Variants in RASAL2 observed in about 807,000 individuals in gnomAD.
The protein encoded by RASAL2 is RAS protein activator like 2, also known as ras GTPase-activating protein nGAP.
Under a neutral mutation model 128.9 loss-of-function variants are expected in RASAL2, and 58 were observed. The observed-to-expected ratio is 0.45, with a 90% confidence interval of 0.36 to 0.56. The LOEUF is 0.56. Among genes scored for constraint, RASAL2 ranks in the 20% least tolerant of loss-of-function variants. The pLI, the probability that RASAL2 is intolerant of heterozygous loss-of-function variation, is 0.00. For missense variants in RASAL2, 1,360 were observed against 1,601.6 expected (o/e 0.85, Z 2.57); for synonymous variants, 561 against 580.8 (o/e 0.97, Z 0.49).
rs1647422996 is a variant in RASAL2 at position 178,464,360 on chromosome 1, A to G, written c.3335A>G (p.Glu1112Gly). Reference sequence around the variant, plus strand: ...GTTCTGAACAATGGGCAGTATGAAGAGGATGTGGAAGAAACTGAGCAAAAT... The same window carrying G: ...GTTCTGAACAATGGGCAGTATGAAGGGGATGTGGAAGAAACTGAGCAAAAT... ...AWVLNNGQYEEDVEETEQNLD... is the reference protein window; with the variant it reads ...AWVLNNGQYEGDVEETEQNLD... Residue 1112 changes from glutamate to glycine, a missense_variant, in exon 15 of 18, where the codon GAG (glutamate) becomes GGG (glycine). Glu to Gly is a moderately conservative substitution (Grantham distance 98). Transcript: ENST00000367649. 6.2e-7 allele frequency: 1 copy of G among 1,613,760 alleles called. No homozygotes were observed. The highest frequency in any genetic ancestry group is 1.3e-5 in the African/African-American group (1 of 74,930).
intron 1 of RASAL2, among the ~76,000 whole-genome samples, chr1:178,194,965 C>G (rs1440573121): frequency 6.6e-6 from 1 of 152,134 alleles, no homozygotes; most frequent in Non-Finnish European, 1.5e-5. Context: ...TATCTTGAAA[C>G]TGTAGTTTGA....
At chr1:178,244,301 G>A (rs961552867) in intron 1 of RASAL2, among the ~76,000 whole-genome samples, 3 of 151,986 alleles carry the variant, frequency 2.0e-5, no homozygotes, top group African/African-American at 7.3e-5. Flanking sequence ...GGACTGCAGT[G>A]GTGCGATCTT....
At chr1:178,139,731 A>G (rs1252133330) in intron 1 of RASAL2, among the ~76,000 whole-genome samples, 2 of 151,788 alleles carry the variant, frequency 1.3e-5, no homozygotes, top group Non-Finnish European at 2.9e-5. Flanking sequence ...TTTTTTTTTA[A>G]CGTGGATTTT....
chr1:178,210,992 C>T (rs2862318), intron 1 of RASAL2, among the ~76,000 whole-genome samples: 39,800 of 151,916 alleles, frequency 0.26, 5,914 homozygotes, highest in African/African-American at 0.41. Flanking sequence ...TTTAGACTCC[C>T]GGTCTAACAT....
At position 178,335,761 on chromosome 1, in the gene RASAL2, C is replaced by T. The variant is rs147332256; in HGVS notation, c.457+35643C>T. Among the ~76,000 whole-genome samples the T allele has an allele frequency of 4.6e-5, 7 of 152,284 alleles. No individual in the cohort carries two copies. In the East Asian group the frequency reaches 1.4e-3, roughly 29 times the overall value. On this transcript the variant is annotated intron_variant, in intron 3 of 17. Coordinates refer to ENST00000367649, the MANE Select transcript of RASAL2 (RefSeq NM_170692.4). ...GGAATGTCCTTTTGAAAATTCAGTA[C>T]ATCGTTCCAATAAATATATACATTG...
chr1:178,315,239 G>A (rs918402838), intron 3 of RASAL2, among the ~76,000 whole-genome samples: 4 of 149,194 alleles, frequency 2.7e-5, no homozygotes, highest in Non-Finnish European at 2.9e-5. Context: ...GAATAATGCC[G>A]CAATAACCAT....
chr1:178,384,675 A>AC (rs1233172694), intron 3 of RASAL2, among the ~76,000 whole-genome samples: 158 of 149,746 alleles, frequency 1.1e-3, no homozygotes, highest in Middle Eastern at 7.0e-3. Flanking sequence ...AAAAAAAAAA[A>AC]ACACACACAC....
intron 1 of RASAL2, among the ~76,000 whole-genome samples, chr1:178,229,220 T>G (rs1352783087): frequency 6.6e-6 from 1 of 152,184 alleles, no homozygotes; most frequent in Non-Finnish European, 1.5e-5. Flanking sequence ...TACATAACCA[T>G]AGTAAAATTA....
At chr1:178,323,089 T>C (rs189832630) in intron 3 of RASAL2, among the ~76,000 whole-genome samples, 25 of 152,212 alleles carry the variant, frequency 1.6e-4, no homozygotes, top group African/African-American at 5.3e-4. Flanking sequence ...TTTTTCTTCA[T>C]TCACTAATCA....
intron 2 of RASAL2, among the ~76,000 whole-genome samples, chr1:178,298,976 T>TA (rs1361390374): frequency 1.3e-5 from 2 of 152,070 alleles, no homozygotes; most frequent in African/African-American, 4.8e-5. Context: ...TCTACATTGA[T>TA]AACCTGCTTT....
chr1:178,113,297 G>A lies in RASAL2; in HGVS notation c.202+18603G>A, dbSNP rs79946482. On this transcript the variant is annotated intron_variant, in intron 1 of 17. Transcript: ENST00000367649. ...CAACCCTGACTTTTTTTTTTTCAAA[G>A]TTACTTTGACTACTCTAGATCATTT... is the stretch of plus-strand genomic sequence containing the variant. 5.6e-3 allele frequency among the ~76,000 whole-genome samples: 832 copies of A among 149,734 alleles called. 10 individuals carry two copies. Among genetic ancestry groups the A allele is most frequent in the African/African-American group, 0.019 (781 of 40,750 alleles).
chr1:178,128,820 G>T (rs761136991), intron 1 of RASAL2, among the ~76,000 whole-genome samples: 1 of 151,896 alleles, frequency 6.6e-6, no homozygotes, highest in Non-Finnish European at 1.5e-5. Flanking sequence ...TTTCACCATG[G>T]TGTTTTCAGG....
chr1:178,393,285 A>G (rs1008618646), intron 4 of RASAL2, among the ~76,000 whole-genome samples: 2 of 152,182 alleles, frequency 1.3e-5, no homozygotes, highest in Admixed American at 6.5e-5. Context: ...GCAACTCACC[A>G]TAATGTAGAA....
Position 178,474,046 on chromosome 1 carries a change from G to T in RASAL2, c.*807G>T, listed in dbSNP as rs1193642467. ...TAAAGGGTGTTCTTTTTCCTCTTTA[G>T]AGTTTACAAAACTATAAATATTTGT... On this transcript the variant is annotated 3_prime_UTR_variant, in exon 18 of 18. Transcript: ENST00000367649. The T allele has an allele frequency of 6.6e-6, 1 of 152,376 alleles. No individual in the cohort carries two copies. The highest frequency in any genetic ancestry group is 1.5e-5 in the Non-Finnish European group (1 of 68,022). 9.4% of individuals were successfully genotyped at this position (152,376 alleles called of 1,614,324 possible). A position where few individuals can be genotyped will look rare whatever the true frequency, so the allele number is the denominator to read the frequency against.
chr1:178,177,419 C>T (rs1239902120), intron 1 of RASAL2, among the ~76,000 whole-genome samples: 2 of 152,218 alleles, frequency 1.3e-5, no homozygotes, highest in East Asian at 3.9e-4. Context: ...TAATGGTAAG[C>T]AGGGATTGAC....
Position 178,441,587 on chromosome 1 carries a change from T to C in RASAL2, c.867T>C (p.Asn289=). ...YLSGSKCFSC[N]SASERDKWME... ...GTGGAAGTAAATGCTTCAGCTGTAATTCTGCTTCTGAGAGAGACAAGTGGA... is the reference window on the plus strand; with the variant it reads ...GTGGAAGTAAATGCTTCAGCTGTAACTCTGCTTCTGAGAGAGACAAGTGGA... Residue 289 remains asparagine (N), a synonymous_variant, in exon 7 of 18, where the codon AAT becomes AAC. Coordinates refer to ENST00000367649, the MANE Select transcript of RASAL2 (RefSeq NM_170692.4). 6.2e-7 allele frequency: 1 copy of C among 1,612,786 alleles called. No homozygotes were observed. Among genetic ancestry groups the C allele is most frequent in the East Asian group, 2.2e-5 (1 of 44,782 alleles).
intron 3 of RASAL2, among the ~76,000 whole-genome samples, chr1:178,338,937 C>G (rs1669729451): frequency 6.6e-6 from 1 of 152,174 alleles, no homozygotes; most frequent in African/African-American, 2.4e-5. Flanking sequence ...GCAGCAGGGA[C>G]TTTGTCTTAT....
At chr1:178,415,905 A>G (rs1361156954) in intron 4 of RASAL2, among the ~76,000 whole-genome samples, 1 of 152,108 alleles carries the variant, frequency 6.6e-6, no homozygotes, top group East Asian at 1.9e-4. Flanking sequence ...GTGTTGGCAT[A>G]GTATATTGTT....
chr1:178,185,179 G>T, intron 1 of RASAL2, among the ~76,000 whole-genome samples: 1 of 150,048 alleles, frequency 6.7e-6, no homozygotes, highest in Non-Finnish European at 1.5e-5. Context: ...ATAGTCTTTT[G>T]CTTATTAACC....
Sources: allele counts gnomAD v4.1 joint callset (sites outside exome capture counted in the v4.1 genomes callset), GRCh38; gene constraint gnomAD v4.1.1; transcripts MANE v1.5; gene names NCBI Gene and HGNC (gene_info 2026-07-23, HGNC 2026-07-21).